Variants in ZNF638 observed in about 807,000 individuals in gnomAD.
The protein encoded by ZNF638 is CTCL tumor antigen se33-1.
A neutral mutation model predicts 195.6 loss-of-function variants in ZNF638; 46 were observed. That is an observed-to-expected ratio of 0.24 (90% CI 0.19 to 0.30). The LOEUF is 0.30. Among genes scored for constraint, ZNF638 ranks in the 10% least tolerant of loss-of-function variants. The probability of loss-of-function intolerance (pLI) is 1.00; values close to 1 mark genes in which losing one functional copy is unlikely to be tolerated. For synonymous variants in ZNF638, 845 were observed against 772.0 expected, an observed-to-expected ratio of 1.09 and a Z score of -1.57; for missense variants, 2,440 against 2,325.3, an observed-to-expected ratio of 1.05 and a Z score of -1.01.
intron 8 of ZNF638, among the ~76,000 whole-genome samples, chr2:71,371,358 A>AC (rs1335285959): frequency 1.3e-5 from 2 of 152,142 alleles, no homozygotes; most frequent in East Asian, 3.8e-4. Context: ...GGGTATATAT[A>AC]CCCAGCAGTG....
intron 1 of ZNF638, chr2:71,341,699 C>T (rs1052809883): frequency 3.3e-5 from 5 of 152,148 alleles, no homozygotes; most frequent in African/African-American, 9.7e-5. Flanking sequence ...CTCAACTCTT[C>T]GTTTTTCCAG....
In ZNF638 at chr2:71,349,493, G is replaced by A. The variant is rs769336894; in HGVS notation, c.539G>A (p.Arg180Gln). The change falls in exon 2 of 28, where the codon CGA becomes CAA. Residue 180 changes from arginine (R) to glutamine (Q), a missense_variant. By Grantham distance (43) the Arg-to-Gln change is conservative. Coordinates refer to ENST00000264447, the MANE Select transcript of ZNF638 (RefSeq NM_014497.5). ...MPLILRDIRM[R>Q]KMGRRLPNLP... Reference sequence around the variant, plus strand: ...TTAATTTTGAGGGATATAAGAATGCGAAAAATGGGGCGCCGATTACCTAAT... The same window carrying A: ...TTAATTTTGAGGGATATAAGAATGCAAAAAATGGGGCGCCGATTACCTAAT... 7.4e-6 allele frequency: 12 copies of A among 1,613,960 alleles called. No individual in the cohort carries two copies. Among genetic ancestry groups the A allele is most frequent in the South Asian group, 3.3e-5 (3 of 91,068 alleles).
At chr2:71,348,642 A>T (rs1348043432) in intron 1 of ZNF638, 111 bp from the exon 2 acceptor site, 1 of 1,271,924 alleles carries the variant, frequency 7.9e-7, no homozygotes, top group East Asian at 4.2e-5. Flanking sequence ...AGTATATGAA[A>T]TGCAGAATGG....
chr2:71,377,288 C>T (rs1264762770), intron 8 of ZNF638, among the ~76,000 whole-genome samples: 1 of 152,064 alleles, frequency 6.6e-6, no homozygotes, highest in Non-Finnish European at 1.5e-5. Context: ...AAAGTAGGAT[C>T]AGATTTCTAA....
At chr2:71,375,795 A>G (rs1334680244) in intron 8 of ZNF638, 1 of 152,240 alleles carries the variant, frequency 6.6e-6, no homozygotes, top group East Asian at 1.9e-4. Context: ...CAGATTGATT[A>G]AAGTGGAGAA....
intron 5 of ZNF638, among the ~76,000 whole-genome samples, 192 bp from the exon 6 acceptor site, chr2:71,365,237 A>C (rs2079175967): frequency 6.6e-6 from 1 of 152,180 alleles, no homozygotes; most frequent in African/African-American, 2.4e-5. Flanking sequence ...CAAAACCAAA[A>C]GTTTGAGGAT....
In ZNF638 at chr2:71,349,207, GAAA is replaced by G; in HGVS notation, c.256_258del (p.Lys86del). The stretch of plus-strand genomic sequence containing the variant: ...CAGAACTGATCCAAGATTGACCAAA[GAAA>G]AACTGGATTTTCATGAAGCACAACA... On this transcript the variant is annotated inframe_deletion, in exon 2 of 28. Coordinates refer to ENST00000264447, the MANE Select transcript of ZNF638 (RefSeq NM_014497.5). 1 of 1,614,186 alleles carries G rather than the reference GAAA, an allele frequency of 6.2e-7. No individual in the cohort carries two copies. The highest frequency in any genetic ancestry group is 2.2e-5 in the East Asian group (1 of 44,884).
At chr2:71,384,390 C>G (rs952052585) in intron 10 of ZNF638, among the ~76,000 whole-genome samples, 2 of 152,218 alleles carry the variant, frequency 1.3e-5, no homozygotes, top group African/African-American at 4.8e-5. Context: ...ATAAATTATT[C>G]TTTGCCCTTT....
intron 8 of ZNF638, chr2:71,379,395 T>A (rs187683545): frequency 1.3e-5 from 2 of 152,358 alleles, no homozygotes; most frequent in Admixed American, 1.3e-4. Flanking sequence ...CCACTGGGGC[T>A]GTGAGTCATT....
intron 2 of ZNF638, among the ~76,000 whole-genome samples, chr2:71,354,751 G>GAA (rs754928381): frequency 7.5e-6 from 1 of 133,844 alleles, no homozygotes; most frequent in Non-Finnish European, 1.6e-5. Flanking sequence ...AAAAAGAAAA[G>GAA]AAAAAAAAAA....
chr2:71,419,881 A>G (rs1247974552), intron 21 of ZNF638, among the ~76,000 whole-genome samples: 2 of 149,048 alleles, frequency 1.3e-5, no homozygotes, highest in Admixed American at 1.3e-4. Context: ...AAAATTGAAT[A>G]TATTTCTTAA....
At chr2:71,393,674 T>A (rs575557135) in intron 10 of ZNF638, 2 of 714,050 alleles carry the variant, frequency 2.8e-6, no homozygotes, top group African/African-American at 3.5e-5. Flanking sequence ...AGGATCCTTT[T>A]TATGCTCTCG....
At chr2:71,429,323 C>T (rs1314074073) in intron 25 of ZNF638, among the ~76,000 whole-genome samples, 1 of 152,106 alleles carries the variant, frequency 6.6e-6, no homozygotes, top group Non-Finnish European at 1.5e-5. Context: ...TGATTTGGTC[C>T]AAGGATTTCA....
intron 21 of ZNF638, 141 bp downstream of exon 21, chr2:71,418,780 GTTT>G: frequency 2.0e-6 from 1 of 508,560 alleles, no homozygotes; most frequent in East Asian, 3.3e-5. Flanking sequence ...GCTTGTTACA[GTTT>G]TCTTTTTGGA....
At chr2:71,395,602 T>G (rs368568789) in intron 10 of ZNF638, 3 of 574,222 alleles carry the variant, frequency 5.2e-6, no homozygotes, top group East Asian at 3.9e-5. Flanking sequence ...CCCAAGGCGG[T>G]GGGGGTGACA....
chr2:71,385,435 A>C (rs2079617256), intron 10 of ZNF638, among the ~76,000 whole-genome samples: 1 of 152,236 alleles, frequency 6.6e-6, no homozygotes, highest in African/African-American at 2.4e-5. Context: ...ATATTATAAA[A>C]TTTCATGTAT....
chr2:71,357,180 A>G (rs1215437476), intron 3 of ZNF638, among the ~76,000 whole-genome samples: 3 of 152,170 alleles, frequency 2.0e-5, no homozygotes, highest in Non-Finnish European at 4.4e-5. Flanking sequence ...TAACTCTGGC[A>G]GAAGTCCTTG....
chr2:71,423,114 A>G lies in ZNF638; in HGVS notation c.3600A>G (p.Leu1200=), dbSNP rs953366533. Residue 1200 remains leucine (L), a synonymous_variant, in exon 22 of 28, where the codon TTA becomes TTG. Transcript: ENST00000264447. Reference sequence around the variant, plus strand: ...CTGAAAATGCCGAGGAGTGTGCTTTAAATCAGCAGATGTTTAACAGTGACT... The same window carrying G: ...CTGAAAATGCCGAGGAGTGTGCTTTGAATCAGCAGATGTTTAACAGTGACT... ...QFTENAEECA[L]NQQMFNSDLE... 1.2e-6 allele frequency: 2 copies of G among 1,614,152 alleles called. No homozygotes were observed. The highest frequency in any genetic ancestry group is 2.2e-5 in the East Asian group (1 of 44,878).
intron 3 of ZNF638, among the ~76,000 whole-genome samples, chr2:71,359,018 G>T (rs1017707692): frequency 3.9e-5 from 6 of 152,066 alleles, no homozygotes; most frequent in African/African-American, 1.4e-4. Flanking sequence ...TAATAGACTG[G>T]CATAGTCTAA....
Sources: allele counts gnomAD v4.1 joint callset (sites outside exome capture counted in the v4.1 genomes callset), GRCh38; gene constraint gnomAD v4.1.1; transcripts MANE v1.5; gene names NCBI Gene and HGNC (gene_info 2026-07-23, HGNC 2026-07-21).